The following COBL variants were observed in gnomAD, a reference collection of about 807,000 sequenced individuals.
COBL encodes the protein cordon-bleu WH2 repeat protein.
A neutral mutation model predicts 98.8 loss-of-function variants in COBL; 51 were observed. The observed-to-expected ratio is 0.52, with a 90% CI of 0.41 to 0.65. The LOEUF is 0.65. COBL is among the 30% of genes least tolerant of loss of function. COBL has a pLI of 0.00. For missense variants in COBL, 1,617 were observed against 1,617.5 expected, an observed-to-expected ratio of 1.00 and a Z score of 0.01; for synonymous variants, 634 against 651.7, an observed-to-expected ratio of 0.97 and a Z score of 0.41.
rs373392053 is a variant in COBL at position 51,152,314 on chromosome 7, T to C, written c.784-15983A>G. ...CAAATAAAAATCAATTATTTTGCAATACTAGGAAAGTTCTCACATCTGTAG... is the reference window on the plus strand; with the variant it reads ...CAAATAAAAATCAATTATTTTGCAACACTAGGAAAGTTCTCACATCTGTAG... On this transcript the variant is annotated intron_variant, in intron 5 of 12. Transcript: ENST00000265136. Among the ~76,000 whole-genome samples, 61 of 152,326 alleles carry C rather than the reference T, an allele frequency of 4.0e-4. No individual in the cohort carries two copies. The East Asian group carries it at 9.3e-3, about 23-fold the overall frequency.
intron 5 of COBL, among the ~76,000 whole-genome samples, chr7:51,161,916 T>G (rs1279877961): frequency 6.6e-6 from 1 of 152,212 alleles, no homozygotes; most frequent in Non-Finnish European, 1.5e-5. Context: ...TACTCCTACA[T>G]CAGAACATTT....
At chr7:51,308,853 T>C (rs1465037163) in intron 1 of COBL, among the ~76,000 whole-genome samples, 1 of 152,208 alleles carries the variant, frequency 6.6e-6, no homozygotes, top group Non-Finnish European at 1.5e-5. Flanking sequence ...CACCCCGATG[T>C]GTTGCAGATG....
intron 1 of COBL, among the ~76,000 whole-genome samples, chr7:51,290,418 T>C (rs1800784336): frequency 6.6e-6 from 1 of 152,214 alleles, no homozygotes; most frequent in Non-Finnish European, 1.5e-5. Flanking sequence ...AAACCTGCAA[T>C]GTCACAACTC....
intron 8 of COBL, among the ~76,000 whole-genome samples, chr7:51,043,166 A>G (rs1789368165): frequency 6.6e-6 from 1 of 152,172 alleles, no homozygotes; most frequent in Non-Finnish European, 1.5e-5. Context: ...TATGGTACCA[A>G]AGCAAACAAG....
intron 4 of COBL, among the ~76,000 whole-genome samples, chr7:51,189,244 C>T (rs763105165): frequency 3.3e-5 from 5 of 152,010 alleles, no homozygotes; most frequent in Admixed American, 1.3e-4. Context: ...GATCTAGATG[C>T]CAGATACCCA....
At chr7:51,204,180 A>T (rs1486302696) in intron 2 of COBL, among the ~76,000 whole-genome samples, 1 of 152,220 alleles carries the variant, frequency 6.6e-6, no homozygotes, top group African/African-American at 2.4e-5. Context: ...ATATCCATGC[A>T]TGCTGAAACT....
At chr7:51,123,331 C>G (rs1797914348) in intron 6 of COBL, among the ~76,000 whole-genome samples, 1 of 152,184 alleles carries the variant, frequency 6.6e-6, no homozygotes, top group South Asian at 2.1e-4. Context: ...ATATTTGGAG[C>G]TGGCTAGCCT....
rs184364757 is a variant in COBL, at chr7:51,093,873, G to A, written c.958-8569C>T. On this transcript the variant is annotated intron_variant, in intron 6 of 12. Transcript: ENST00000265136. ...GATATCACTGCATTCCAGCCTGGGCGATGGCACCAGGCCCTGACACCAAAA... is the reference window on the plus strand; with the variant it reads ...GATATCACTGCATTCCAGCCTGGGCAATGGCACCAGGCCCTGACACCAAAA... Among the ~76,000 whole-genome samples, 97 of 151,060 alleles carry A rather than the reference G, an allele frequency of 6.4e-4. No homozygotes were observed. The South Asian group carries it at 8.4e-3, about 13-fold the overall frequency.
At chr7:51,286,351 T>A in intron 1 of COBL, among the ~76,000 whole-genome samples, 1 of 131,482 alleles carries the variant, frequency 7.6e-6, no homozygotes, top group African/African-American at 2.9e-5. Flanking sequence ...AATCTGCAAA[T>A]CACATATGAC....
At chr7:51,038,265 GC>G (rs1788829836) in intron 8 of COBL, among the ~76,000 whole-genome samples, 1 of 152,332 alleles carries the variant, frequency 6.6e-6, no homozygotes, top group East Asian at 1.9e-4. Context: ...CACCAATGCT[GC>G]CATGTATGAA....
chr7:51,029,561 C>T lies in COBL; in HGVS notation c.1535G>A (p.Ser512Asn). 1 of 1,604,538 alleles carries T rather than the reference C, an allele frequency of 6.2e-7. No individual in the cohort carries two copies. The highest frequency in any genetic ancestry group is 8.5e-7 in the Non-Finnish European group (1 of 1,172,770). ...ACCATGGATGGAGCTGGTGAGGGAG[C>T]TGGTGTCTGTTTCATAGCTGTCTTC... ...EMEDSYETDT[S>N]SLTSSIHGAS... The change falls in exon 10 of 13, where the codon AGC becomes AAC. Residue 512 changes from serine to asparagine, a missense_variant. This residue lies in a region of COBL where 1,304 missense variants were observed against 1,282.0 expected (regional missense o/e 1.02). Coordinates refer to ENST00000265136, the MANE Select transcript of COBL (RefSeq NM_015198.5).
chr7:51,136,105 C>A (rs1002218699), intron 6 of COBL, 53 bp downstream of exon 6: 2 of 1,569,982 alleles, frequency 1.3e-6, no homozygotes, highest in Admixed American at 1.8e-5. Context: ...TTGGAACAAT[C>A]AACTGTGTCA....
At chr7:51,070,392 AACAC>A (rs369051694) in intron 7 of COBL, among the ~76,000 whole-genome samples, 17 of 139,010 alleles carry the variant, frequency 1.2e-4, no homozygotes, top group South Asian at 2.5e-4. Context: ...AAACAGTTAA[AACAC>A]ACACACACAC....
In COBL at chr7:51,089,787, G is replaced by C. The variant is rs960784739; in HGVS notation, c.958-4483C>G. Among the ~76,000 whole-genome samples, 3 of 151,922 alleles carry C rather than the reference G, an allele frequency of 2.0e-5. No individual in the cohort carries two copies. The East Asian group carries it at 5.8e-4, about 29-fold the overall frequency. ...TCTATAGTGAAATAATCACAAGCAA[G>C]CTAATTAACATATCTATCAGTTCAC... On this transcript the variant is annotated intron_variant, in intron 6 of 12. Coordinates refer to ENST00000265136, the MANE Select transcript of COBL (RefSeq NM_015198.5).
At chr7:51,227,334 G>A (rs918713757) in intron 1 of COBL, among the ~76,000 whole-genome samples, 5 of 152,176 alleles carry the variant, frequency 3.3e-5, no homozygotes, top group Admixed American at 6.5e-5. Flanking sequence ...AGGAGACAGA[G>A]GAAGACTGGA....
chr7:51,312,537 C>T (rs1489528867), intron 1 of COBL, among the ~76,000 whole-genome samples: 3 of 152,062 alleles, frequency 2.0e-5, no homozygotes, highest in Non-Finnish European at 2.9e-5. Flanking sequence ...TAACAAAGCA[C>T]AAAAGGCCTA....
At position 51,191,546 on chromosome 7, in the gene COBL, T is replaced by C. The variant is rs1003160997; in HGVS notation, c.457-468A>G. Among the ~76,000 whole-genome samples, 5 of 150,624 alleles carry C rather than the reference T, an allele frequency of 3.3e-5. No homozygotes were observed. The South Asian group carries it at 1.0e-3, about 31-fold the overall frequency. On this transcript the variant is annotated intron_variant, in intron 3 of 12. Coordinates refer to ENST00000265136, the MANE Select transcript of COBL (RefSeq NM_015198.5). ...GAATATCTATATATGTACATAGATA[T>C]ATATATATATAAATACATATATACT...
rs142617981 is a variant in COBL, at chr7:51,061,944, CATAG to C, written c.1097-18256_1097-18253del. Among the ~76,000 whole-genome samples, 22 of 52,452 alleles carry C rather than the reference CATAG, an allele frequency of 4.2e-4. 1 individual carries two copies. The highest frequency in any genetic ancestry group is 0.014 in the Middle Eastern group (1 of 74). The allele number at this position is 52,452 out of a possible 152,430, so 34.4% of individuals were successfully genotyped here. ...CCTATAAAAAAAAATCTCTCCCCAC[CATAG>C]ATACACACACACACACACACACACA... On this transcript the variant is annotated intron_variant, in intron 7 of 12. Transcript: ENST00000265136.
intron 1 of COBL, among the ~76,000 whole-genome samples, chr7:51,255,042 T>A (rs1797072871): frequency 6.6e-6 from 1 of 152,188 alleles, no homozygotes; most frequent in Non-Finnish European, 1.5e-5. Flanking sequence ...AAACATATAT[T>A]TCTGAAAGCT....
Sources: gnomAD v4.1 joint callset for allele counts (sites outside exome capture counted in the v4.1 genomes callset) on GRCh38, gnomAD v4.1.1 for gene constraint, gnomAD v4.1.1 regional missense constraint, MANE v1.5 for transcripts, NCBI Gene and HGNC (gene_info 2026-07-23, HGNC 2026-07-21) for gene names.